Variants in DHX35 observed in about 807,000 individuals in gnomAD.
The protein encoded by DHX35 is DEAH-box helicase 35, also known as probable ATP-dependent RNA helicase DHX35.
DHX35 carries 84 observed loss-of-function variants against 99.6 expected under a neutral mutation model. The ratio of observed to expected loss-of-function variants is 0.84; its 90% CI spans 0.71 to 1.01. DHX35 has a LOEUF of 1.01. Ranked by LOEUF, DHX35 falls within the 50% of genes least tolerant of loss-of-function variation. The pLI is 0.00. For synonymous variants in DHX35, 331 were observed against 316.2 expected (o/e 1.05, Z -0.50); for missense variants, 852 against 888.5 (o/e 0.96, Z 0.52).
chr20:38,978,432 G>A (rs1259124637), intron 3 of DHX35: 4 of 621,238 alleles, frequency 6.4e-6, no homozygotes, highest in Non-Finnish European at 1.2e-5. Flanking sequence ...TGGGGTGGTG[G>A]CACGTACTTA....
At position 38,969,067 on chromosome 20, in the gene DHX35, C is replaced by A. The variant is rs748711959; in HGVS notation, c.41-14C>A. ...TGTATCAGAGAATCTGAAAAAAAAA[C>A]ATTTCTGCTGCAGGTACAGAGGGGC... On this transcript the variant is annotated splice_polypyrimidine_tract_variant and intron_variant, in intron 1 of 21. Transcript: ENST00000252011. 8.3e-6 allele frequency: 13 copies of A among 1,568,462 alleles called. No homozygotes were observed. The highest frequency in any genetic ancestry group is 4.0e-5 in the Admixed American group (2 of 50,542).
At chr20:38,991,125 G>T (rs1173643452) in intron 5 of DHX35, among the ~76,000 whole-genome samples, 1 of 152,168 alleles carries the variant, frequency 6.6e-6, no homozygotes, top group Non-Finnish European at 1.5e-5. Flanking sequence ...GTTTCTTTGG[G>T]CAGATACCAG....
At chr20:38,988,947 G>A in intron 5 of DHX35, 30 bp downstream of exon 5, 1 of 1,604,510 alleles carries the variant, frequency 6.2e-7, no homozygotes, top group Non-Finnish European at 8.5e-7. Context: ...TTTCCTAGTG[G>A]AAATAAGGAA....
intron 21 of DHX35, among the ~76,000 whole-genome samples, chr20:39,034,608 G>A (rs898729675): frequency 1.5e-5 from 1 of 68,902 alleles, no homozygotes; most frequent in Admixed American, 1.5e-4. Context: ...TTTTTTTTTT[G>A]AGACAGTCTC....
chr20:38,996,335 C>T (rs144672148), intron 8 of DHX35, among the ~76,000 whole-genome samples: 1 of 152,156 alleles, frequency 6.6e-6, no homozygotes, highest in African/African-American at 2.4e-5. Flanking sequence ...CCACCTAAAA[C>T]AATGTCTAGC....
intron 3 of DHX35, among the ~76,000 whole-genome samples, chr20:38,976,847 C>T (rs2086087617): frequency 6.6e-6 from 1 of 152,184 alleles, no homozygotes; most frequent in Admixed American, 6.5e-5. Flanking sequence ...TGAGTGAGCT[C>T]ATGCAGTATT....
At chr20:39,034,372 TTTA>T (rs2087108885) in intron 21 of DHX35, 55 bp downstream of exon 21, 1 of 1,449,486 alleles carries the variant, frequency 6.9e-7, no homozygotes, top group Middle Eastern at 1.7e-4. Flanking sequence ...TCTCCATGTT[TTTA>T]AATGTACTTT....
chr20:39,023,626 T>C, intron 16 of DHX35, 64 bp from the exon 17 acceptor site: 1 of 1,484,704 alleles, frequency 6.7e-7, no homozygotes, highest in Non-Finnish European at 9.4e-7. Context: ...ATGCTGGGAT[T>C]ATAGGTGTGA....
intron 5 of DHX35, among the ~76,000 whole-genome samples, chr20:38,989,182 C>A (rs1393133918): frequency 6.7e-6 from 1 of 149,790 alleles, no homozygotes; most frequent in Non-Finnish European, 1.5e-5. Context: ...GCTGCAAGCT[C>A]CGCCTCCTGG....
At chr20:38,989,265 GTTTTTTTTTTTTTT>G (rs59991063) in intron 5 of DHX35, among the ~76,000 whole-genome samples, 4 of 111,880 alleles carry the variant, frequency 3.6e-5, no homozygotes, top group African/African-American at 1.4e-4. Flanking sequence ...ACCCGGCTAA[GTTTTTTTTTTTTTT>G]TTTTTTTTGT....
intron 21 of DHX35, among the ~76,000 whole-genome samples, chr20:39,038,036 G>T (rs1018359326): frequency 6.6e-6 from 1 of 152,152 alleles, no homozygotes; most frequent in African/African-American, 2.4e-5. Context: ...TGGGTACCTG[G>T]TGTGTTGAGA....
intron 3 of DHX35, among the ~76,000 whole-genome samples, chr20:38,980,725 C>T (rs2086159779): frequency 6.6e-6 from 1 of 152,142 alleles, no homozygotes; most frequent in African/African-American, 2.4e-5. Context: ...TTATACTCTT[C>T]ACTACTAGTG....
chr20:39,030,696 G>GTT lies in DHX35; in HGVS notation c.1884-7_1884-6dup, dbSNP rs779347894. On this transcript the variant is annotated splice_region_variant and splice_polypyrimidine_tract_variant and intron_variant, in intron 19 of 21. Coordinates refer to ENST00000252011, the MANE Select transcript of DHX35 (RefSeq NM_021931.4). ...TGTGCTTCAGACAAAATTCTTCTAT[G>GTT]TTCCAAGGACCATCCGTGATGACCA... 6.2e-6 allele frequency: 10 copies of GTT among 1,613,640 alleles called. No individual in the cohort carries two copies.
rs1263738991 is a variant in DHX35 at position 39,001,820 on chromosome 20, G to A, written c.733G>A (p.Val245Met). 2 of 1,612,646 alleles carry A rather than the reference G, an allele frequency of 1.2e-6. No individual in the cohort carries two copies. The highest frequency in any genetic ancestry group is 1.7e-6 in the Non-Finnish European group (2 of 1,179,108). The change falls in exon 9 of 22, where the codon GTG becomes ATG. Residue 245 changes from valine (V) to methionine (M), a missense_variant. Val to Met is a conservative substitution (Grantham distance 21, BLOSUM62 1). Transcript: ENST00000252011. The part of the protein sequence containing the change: ...ILTVEGRTFP[V>M]DIFYLQSPVP... ...TACAGTGGAAGGGAGAACATTTCCGGTGGATATCTTTTATCTACAAAGGTT... is the reference window on the plus strand; with the variant it reads ...TACAGTGGAAGGGAGAACATTTCCGATGGATATCTTTTATCTACAAAGGTT...
At chr20:39,028,556 A>G in intron 19 of DHX35, 57 bp downstream of exon 19, 2 of 1,551,164 alleles carry the variant, frequency 1.3e-6, no homozygotes, top group Non-Finnish European at 1.8e-6. Context: ...AAATGACCCA[A>G]ACCCCACAGA....
chr20:38,972,717 G>T, intron 3 of DHX35, 66 bp downstream of exon 3: 1 of 1,066,486 alleles, frequency 9.4e-7, no homozygotes. Flanking sequence ...TAACTTGAGA[G>T]CTCTCTTTAC....
intron 4 of DHX35, among the ~76,000 whole-genome samples, chr20:38,986,595 A>G (rs2086252835): frequency 6.6e-6 from 1 of 152,082 alleles, no homozygotes; most frequent in African/African-American, 2.4e-5. Context: ...TTTTCTCCAT[A>G]AGTTCCTAGT....
At chr20:39,038,057 A>G (rs2145957711) in intron 21 of DHX35, among the ~76,000 whole-genome samples, 1 of 152,256 alleles carries the variant, frequency 6.6e-6, no homozygotes, top group Middle Eastern at 3.4e-3. Context: ...CGCTTGGTAA[A>G]TTGACTTCCT....
At chr20:39,005,209 A>G (rs777382412) in intron 11 of DHX35, among the ~76,000 whole-genome samples, 1 of 152,248 alleles carries the variant, frequency 6.6e-6, no homozygotes, top group Non-Finnish European at 1.5e-5. Flanking sequence ...TGCTATATAT[A>G]TGTGTCCCCT....
Sources: allele counts gnomAD v4.1 joint callset (sites outside exome capture counted in the v4.1 genomes callset), GRCh38; gene constraint gnomAD v4.1.1; transcripts MANE v1.5; gene names NCBI Gene and HGNC (gene_info 2026-07-23, HGNC 2026-07-21).